The following ALDH1L2 variants were observed in gnomAD, a reference collection of about 807,000 sequenced individuals.
ALDH1L2 encodes mitochondrial 10-formyltetrahydrofolate dehydrogenase.
ALDH1L2 carries 91 observed loss-of-function variants against 111.0 expected under a neutral mutation model. That is an observed-to-expected ratio of 0.82 (90% CI 0.69 to 0.98). The LOEUF is 0.98. ALDH1L2 is among the 50% of genes least tolerant of loss of function. The pLI is 0.00. For missense variants in ALDH1L2, 995 were observed against 1,126.8 expected, an observed-to-expected ratio of 0.88 and a Z score of 1.67; for synonymous variants, 374 against 392.6, an observed-to-expected ratio of 0.95 and a Z score of 0.56.
intron 19 of ALDH1L2, among the ~76,000 whole-genome samples, chr12:105,033,057 G>A (rs1357497114): frequency 1.3e-5 from 2 of 152,284 alleles, no homozygotes; most frequent in Non-Finnish European, 2.9e-5. Flanking sequence ...AGAAGAATGG[G>A]AGTTATAACC....
chr12:105,080,030 G>C lies in ALDH1L2; in HGVS notation c.48+4359C>G, dbSNP rs145835145. ...AGTGTAGCTATATCTCAGTTTATTTGTTCATGTCCCTATTGAGAAACATTT... is the reference window on the plus strand; with the variant it reads ...AGTGTAGCTATATCTCAGTTTATTTCTTCATGTCCCTATTGAGAAACATTT... On this transcript the variant is annotated intron_variant, in intron 1 of 22. Coordinates refer to ENST00000258494, the MANE Select transcript of ALDH1L2 (RefSeq NM_001034173.4). Among the ~76,000 whole-genome samples the C allele has an allele frequency of 4.1e-4, 63 of 152,070 alleles. No individual in the cohort carries two copies. The East Asian group carries it at 7.7e-3, about 19-fold the overall frequency.
At chr12:105,042,080 AAC>A (rs57015503) in intron 15 of ALDH1L2, among the ~76,000 whole-genome samples, 1 of 151,296 alleles carries the variant, frequency 6.6e-6, no homozygotes, top group Non-Finnish European at 1.5e-5. Context: ...ATGTATACAC[AAC>A]ACACACACAC....
Position 105,065,225 on chromosome 12 carries a change from T to A in ALDH1L2, c.786+42A>T, listed in dbSNP as rs547443164. On this transcript the variant is annotated intron_variant, in intron 6 of 22. Coordinates refer to ENST00000258494, the MANE Select transcript of ALDH1L2 (RefSeq NM_001034173.4). ...TCTGTAATATCTCTTACAAAGGTAA[T>A]AATCGGGGAGGGGGGTGGGGGGAGT... The A allele has an allele frequency of 7.7e-5, 81 of 1,052,748 alleles. No individual in the cohort carries two copies. The South Asian group carries it at 1.0e-3, about 13-fold the overall frequency. The allele number at this position is 1,052,748 out of a possible 1,614,324, so 65.2% of individuals were successfully genotyped here. A position where few individuals can be genotyped will look rare whatever the true frequency, so the allele number is the denominator to read the frequency against.
At chr12:105,047,111 G>T in intron 13 of ALDH1L2, 142 bp from the exon 14 acceptor site, 1 of 831,670 alleles carries the variant, frequency 1.2e-6, no homozygotes, top group Non-Finnish European at 1.9e-6. Context: ...CTATATTCAT[G>T]CCAAAGAAGG....
chr12:105,062,769 G>A, intron 7 of ALDH1L2, 119 bp downstream of exon 7: 1 of 1,282,304 alleles, frequency 7.8e-7, no homozygotes, highest in East Asian at 2.5e-5. Flanking sequence ...ATCTCCATCA[G>A]GGCACTCAGA....
chr12:105,053,810 G>T (rs894511055), intron 10 of ALDH1L2, among the ~76,000 whole-genome samples: 1 of 151,298 alleles, frequency 6.6e-6, no homozygotes, highest in Non-Finnish European at 1.5e-5. Flanking sequence ...CACCTAATTT[G>T]ATTTTCCTAA....
intron 1 of ALDH1L2, among the ~76,000 whole-genome samples, chr12:105,083,654 C>T (rs980004703): frequency 7.3e-5 from 11 of 151,410 alleles, no homozygotes; most frequent in Non-Finnish European, 1.6e-4. Context: ...CTTCCCTAAA[C>T]AGTCCCGAGG....
At chr12:105,063,525 A>T (rs903577028) in intron 6 of ALDH1L2, among the ~76,000 whole-genome samples, 5 of 152,174 alleles carry the variant, frequency 3.3e-5, no homozygotes, top group Non-Finnish European at 7.3e-5. Flanking sequence ...GGCAAGAAAT[A>T]GTCTGTGAAT....
rs535895849 is a variant in ALDH1L2, at chr12:105,049,920, G to T, written c.1674C>A (p.Cys558Ter). ...TATTTGTGCTTACCTGAATTTTGTC[G>T]CACCAGCCAGCAAAATATCTGAATG... ...VQTFRYFAGW[C>*]DKIQGSTIPI... is the part of the protein sequence containing the mutation. Residue 558 changes from cysteine to a stop codon, truncating the protein, a stop_gained, in exon 13 of 23, where the codon TGC becomes TGA. Transcript: ENST00000258494. LOFTEE classifies it high-confidence loss of function. 2 of 1,609,232 alleles carry T rather than the reference G, an allele frequency of 1.2e-6. No individual in the cohort carries two copies. Among genetic ancestry groups the T allele is most frequent in the Admixed American group, 1.7e-5 (1 of 59,390 alleles).
chr12:105,063,134 T>C, intron 6 of ALDH1L2, 112 bp from the exon 7 acceptor site: 1 of 1,226,832 alleles, frequency 8.2e-7, no homozygotes, highest in Non-Finnish European at 1.1e-6. Flanking sequence ...TCATCTGTAA[T>C]AAAATTGAGA....
chr12:105,049,313 A>G lies in ALDH1L2; in HGVS notation c.1686+595T>C, dbSNP rs186218549. ...TCTGGTCGTATGGGTTACTTGCTAC[A>G]AATTATAGGAAAGGCATCCATGTCC... On this transcript the variant is annotated intron_variant, in intron 13 of 22. Transcript: ENST00000258494. 6.0e-4 allele frequency among the ~76,000 whole-genome samples: 92 copies of G among 152,296 alleles called. 1 individual carries two copies. The highest frequency in any genetic ancestry group is 2.1e-3 in the African/African-American group (88 of 41,556).
intron 15 of ALDH1L2, among the ~76,000 whole-genome samples, chr12:105,043,938 CAT>C (rs1875688417): frequency 3.3e-5 from 5 of 152,326 alleles, no homozygotes; most frequent in Admixed American, 2.6e-4. Flanking sequence ...ATCTTTCACA[CAT>C]ATAACAAAGC....
chr12:105,032,835 G>A (rs2136050089), intron 19 of ALDH1L2, among the ~76,000 whole-genome samples: 1 of 152,266 alleles, frequency 6.6e-6, no homozygotes, highest in East Asian at 1.9e-4. Flanking sequence ...TGGTCACATT[G>A]TTATCTTTTT....
At chr12:105,025,721 C>T (rs1168529312) in intron 22 of ALDH1L2, among the ~76,000 whole-genome samples, 7 of 152,190 alleles carry the variant, frequency 4.6e-5, no homozygotes, top group African/African-American at 1.7e-4. Context: ...CAGTAAATCA[C>T]AAACATTTCA....
intron 15 of ALDH1L2, 21 bp from the exon 16 acceptor site, chr12:105,040,715 A>G (rs1875479987): frequency 6.2e-7 from 1 of 1,611,186 alleles, no homozygotes; most frequent in Non-Finnish European, 8.5e-7. Context: ...GCAAACAGCA[A>G]TTACCTTCTT....
intron 14 of ALDH1L2, 40 bp from the exon 15 acceptor site, chr12:105,046,855 T>C (rs768211533): frequency 6.2e-7 from 1 of 1,613,328 alleles, no homozygotes; most frequent in South Asian, 1.1e-5. Context: ...TTGTTTCAAA[T>C]AACACAACTC....
At position 105,046,884 on chromosome 12, in the gene ALDH1L2, C is replaced by A. The variant is rs371060628; in HGVS notation, c.1757+15G>T. On this transcript the variant is annotated intron_variant, in intron 14 of 22. Coordinates refer to ENST00000258494, the MANE Select transcript of ALDH1L2 (RefSeq NM_001034173.4). ...ACAACTCATGATTCACTCAGAGGCA[C>A]TCTCCTTATCTTACCCGAGTGGCTC... The A allele has an allele frequency of 3.2e-5, 51 of 1,613,812 alleles. No individual in the cohort carries two copies. The highest frequency in any genetic ancestry group is 1.6e-4 in the Middle Eastern group (1 of 6,084).
chr12:105,037,951 G>A, intron 18 of ALDH1L2, 152 bp downstream of exon 18: 1 of 527,472 alleles, frequency 1.9e-6, no homozygotes, highest in South Asian at 2.3e-5. Context: ...ATTTTTACTA[G>A]AGACGGGGTT....
At position 105,022,754 on chromosome 12, in the gene ALDH1L2, C is replaced by G. The variant is rs1874221133; in HGVS notation, c.*1670G>C. 1 of 152,116 alleles carries G rather than the reference C, an allele frequency of 6.6e-6. No individual in the cohort carries two copies. The highest frequency in any genetic ancestry group is 2.4e-5 in the African/African-American group (1 of 41,428). 9.4% of individuals were successfully genotyped at this position (152,116 alleles called of 1,614,324 possible). A position where few individuals can be genotyped will look rare whatever the true frequency, so the allele number is the denominator to read the frequency against. ...TTCGCTCTGTTTATCATGCTGGGAT[C>G]AAACCTCCTATTCTTCCTTTTGAAA... On this transcript the variant is annotated 3_prime_UTR_variant, in exon 23 of 23. Transcript: ENST00000258494.
Sources: allele counts gnomAD v4.1 joint callset (sites outside exome capture counted in the v4.1 genomes callset), GRCh38; gene constraint gnomAD v4.1.1; transcripts MANE v1.5; gene names NCBI Gene and HGNC (gene_info 2026-07-23, HGNC 2026-07-21).